ARFGEF3: variants seen among roughly 807,000 people sequenced by gnomAD.
ARFGEF3 encodes ARFGEF family member 3, also known as brefeldin A-inhibited guanine nucleotide-exchange protein 3.
In ARFGEF3, 96 loss-of-function variants were observed where a neutral mutation model predicts 221.7. That is an observed-to-expected ratio of 0.43 (90% CI 0.37 to 0.51). ARFGEF3 has a LOEUF of 0.51. ARFGEF3 is among the 20% of genes least tolerant of loss of function. ARFGEF3 has a pLI of 0.00. For synonymous variants in ARFGEF3, 1,145 were observed against 1,126.8 expected, an observed-to-expected ratio of 1.02 and a Z score of -0.32; for missense variants, 2,410 against 2,789.9, an observed-to-expected ratio of 0.86 and a Z score of 3.07.
At chr6:138,201,252 A>C (rs753549922) in intron 2 of ARFGEF3, among the ~76,000 whole-genome samples, 5 of 152,216 alleles carry the variant, frequency 3.3e-5, no homozygotes, top group Non-Finnish European at 7.3e-5. Flanking sequence ...ACTATGGAAA[A>C]CAGTGTGGAT....
intron 31 of ARFGEF3, among the ~76,000 whole-genome samples, chr6:138,325,123 A>C (rs983200871): frequency 6.6e-6 from 1 of 152,258 alleles, no homozygotes; most frequent in Non-Finnish European, 1.5e-5. Flanking sequence ...TGTATTTAAA[A>C]TATTAAACAA....
chr6:138,291,133 T>C lies in ARFGEF3; in HGVS notation c.3048-600T>C, dbSNP rs1779396370. On this transcript the variant is annotated intron_variant, in intron 18 of 33. Coordinates refer to ENST00000251691, the MANE Select transcript of ARFGEF3 (RefSeq NM_020340.5). The surrounding 1 kb of genome is among the most constrained non-coding windows in gnomAD (Gnocchi z 4.5). ...GAACAAACCATTTAGGAGTTGGCAG[T>C]TGTAGCACATGTGGTGACCCTTCTC... Among the ~76,000 whole-genome samples the C allele has an allele frequency of 1.3e-5, 2 of 152,252 alleles. No individual in the cohort carries two copies. The highest frequency in any genetic ancestry group is 4.2e-4 in the South Asian group (2 of 4,814).
intron 2 of ARFGEF3, among the ~76,000 whole-genome samples, chr6:138,197,203 C>T (rs1283869262): frequency 1.3e-5 from 2 of 152,144 alleles, no homozygotes; most frequent in Admixed American, 6.5e-5. Flanking sequence ...TAGCCTAGAC[C>T]TACACAGGGT....
intron 5 of ARFGEF3, 50 bp downstream of exon 5, chr6:138,229,902 G>T (rs1224408751): frequency 2.7e-6 from 4 of 1,466,858 alleles, no homozygotes; most frequent in Admixed American, 1.7e-5. Flanking sequence ...CTTTATCTCT[G>T]ACTGGGATAA....
Position 138,280,028 on chromosome 6 carries a change from C to T in ARFGEF3, c.2325C>T (p.Ser775=), listed in dbSNP as rs554917746. The T allele has an allele frequency of 1.9e-5, 30 of 1,613,880 alleles. No homozygotes were observed. The highest frequency in any genetic ancestry group is 8.3e-5 in the Admixed American group (5 of 60,008). Residue 775 remains serine (S), a synonymous_variant, in exon 14 of 34, where the codon AGC becomes AGT. Coordinates refer to ENST00000251691, the MANE Select transcript of ARFGEF3 (RefSeq NM_020340.5). The part of the protein sequence containing the change: ...MKDFMKQVQT[S]GVLMVFSQAW... ...ACTTCATGAAGCAGGTGCAGACCAG[C>T]GGCGTGCTGATGGTCTTCTCTCAGG...
At chr6:138,178,337 T>C (rs989299456) in intron 2 of ARFGEF3, among the ~76,000 whole-genome samples, 2 of 152,214 alleles carry the variant, frequency 1.3e-5, no homozygotes, top group Admixed American at 6.5e-5. Flanking sequence ...CTCCCCTGCA[T>C]GTTGAGCACT....
chr6:138,307,461 TAAAA>T lies in ARFGEF3; in HGVS notation c.3973+73_3973+76del, dbSNP rs34359396. 8.3e-5 allele frequency: 104 copies of T among 1,247,348 alleles called. No individual in the cohort carries two copies. In the African/African-American group the frequency reaches 9.7e-4, roughly 12 times the overall value. 77.3% of individuals were successfully genotyped at this position (1,247,348 alleles called of 1,614,324 possible). On this transcript the variant is annotated intron_variant, in intron 23 of 33. Coordinates refer to ENST00000251691, the MANE Select transcript of ARFGEF3 (RefSeq NM_020340.5). ...TTCTCTGTGCCAAGTTTCATGCTATTAAAAAAAAAAAATTGAACAATAGGGAAGA... is the reference window on the plus strand; with the variant it reads ...TTCTCTGTGCCAAGTTTCATGCTATTAAAAAAAATTGAACAATAGGGAAGA...
intron 32 of ARFGEF3, among the ~76,000 whole-genome samples, chr6:138,329,337 GAC>G (rs1419651991): frequency 6.6e-6 from 1 of 152,094 alleles, no homozygotes; most frequent in Admixed American, 6.5e-5. Flanking sequence ...TTTGCCCAAG[GAC>G]ACACAACTGC....
rs150174096 is a variant in ARFGEF3, at chr6:138,256,563, T to C, written c.1104+794T>C. ...ATATCTAGAAGTTAAATTTGAATTC[T>C]TTCTTGGTGTTTTAATGAGATTTTA... On this transcript the variant is annotated intron_variant, in intron 10 of 33. Transcript: ENST00000251691. Among the ~76,000 whole-genome samples the C allele has an allele frequency of 2.4e-4, 37 of 152,266 alleles. No homozygotes were observed. The East Asian group carries it at 6.0e-3, about 25-fold the overall frequency.
intron 2 of ARFGEF3, among the ~76,000 whole-genome samples, chr6:138,183,799 A>G (rs1777126837): frequency 1.3e-5 from 2 of 152,144 alleles, no homozygotes; most frequent in Non-Finnish European, 2.9e-5. Flanking sequence ...GTAAATGGAG[A>G]TGGAAACGGG....
chr6:138,293,560 C>CT (rs1779452162), intron 19 of ARFGEF3, among the ~76,000 whole-genome samples: 1 of 152,198 alleles, frequency 6.6e-6, no homozygotes, highest in Admixed American at 6.5e-5. Flanking sequence ...GTTTTTGTAT[C>CT]TTTTCCAGCA....
rs142799063 is a variant in ARFGEF3, at chr6:138,246,906, G to A, written c.665+1315G>A. Among the ~76,000 whole-genome samples the A allele has an allele frequency of 5.1e-3, 774 of 151,874 alleles. 7 individuals are homozygous for A. The highest frequency in any genetic ancestry group is 0.017 in the African/African-American group (724 of 41,396). On this transcript the variant is annotated intron_variant, in intron 8 of 33. Transcript: ENST00000251691. ...GAAATGAGTAACTGTGTGAGATGAT[G>A]GATATGTTAATTTGTTTCACTATAG...
intron 6 of ARFGEF3, among the ~76,000 whole-genome samples, chr6:138,241,747 TAGCAGGATGTGTATCTTCAACCTAATA>T (rs1284148436): frequency 1.3e-5 from 2 of 152,202 alleles, no homozygotes; most frequent in African/African-American, 4.8e-5. Flanking sequence ...CCAAAATCAC[TAGCAGGATGTGTATCTTCAACCTAATA>T]AATGTTTATC....
At chr6:138,270,008 C>T (rs1022037078) in intron 12 of ARFGEF3, among the ~76,000 whole-genome samples, 3 of 151,908 alleles carry the variant, frequency 2.0e-5, no homozygotes, top group East Asian at 1.9e-4. Flanking sequence ...CTGGTGCTGG[C>T]GGAGCTGCTG....
At chr6:138,290,823 G>T (rs1779389698) in intron 18 of ARFGEF3, among the ~76,000 whole-genome samples, 1 of 152,198 alleles carries the variant, frequency 6.6e-6, no homozygotes. Flanking sequence ...CCAGAGCTGG[G>T]TTCAGTTTCA....
At chr6:138,299,198 T>TAAA (rs60475752) in intron 22 of ARFGEF3, among the ~76,000 whole-genome samples, 5,232 of 39,298 alleles carry the variant, frequency 0.13, 1,104 homozygotes, top group East Asian at 0.47. Flanking sequence ...CGAGACTCTG[T>TAAA]AAAAAAAAAA....
chr6:138,196,424 A>G (rs1040857536), intron 2 of ARFGEF3, among the ~76,000 whole-genome samples: 2 of 152,248 alleles, frequency 1.3e-5, no homozygotes, highest in African/African-American at 4.8e-5. Context: ...CACAATGGAA[A>G]GTGTTTGTGT....
intron 2 of ARFGEF3, among the ~76,000 whole-genome samples, chr6:138,183,433 T>C (rs996147089): frequency 6.6e-6 from 1 of 152,224 alleles, no homozygotes; most frequent in African/African-American, 2.4e-5. Flanking sequence ...GATGTTTTTA[T>C]GAATGTTTGC....
chr6:138,296,766 C>CT (rs1554256565), intron 20 of ARFGEF3, 44 bp from the exon 21 acceptor site: 3 of 1,601,552 alleles, frequency 1.9e-6, no homozygotes, highest in Non-Finnish European at 2.6e-6. Context: ...CAGACTATGT[C>CT]TGAGTTTTGG....
Sources: allele counts gnomAD v4.1 joint callset (sites outside exome capture counted in the v4.1 genomes callset), GRCh38; gene constraint gnomAD v4.1.1; non-coding constraint Gnocchi (gnomAD v3.1); transcripts MANE v1.5; gene names NCBI Gene and HGNC (gene_info 2026-07-23, HGNC 2026-07-21).